LYPD6: variants seen among roughly 807,000 people sequenced by gnomAD.
The protein encoded by LYPD6 is LY6/PLAUR domain containing 6.
LYPD6 carries 15 observed loss-of-function variants against 22.7 expected under a neutral mutation model. That is an observed-to-expected ratio of 0.66 (90% CI 0.44 to 1.02). The LOEUF (loss-of-function observed/expected upper bound fraction) is 1.02, where lower values mean the gene tolerates loss of function less well. Ranked by LOEUF, LYPD6 falls within the 50% of genes least tolerant of loss-of-function variation. LYPD6 has a pLI of 0.00. For missense variants in LYPD6, 189 were observed against 208.4 expected (o/e 0.91, Z 0.57); for synonymous variants, 72 against 77.5 (o/e 0.93, Z 0.37).
chr2:149,386,611 G>A (rs956278025), intron 1 of LYPD6, among the ~76,000 whole-genome samples: 1 of 152,222 alleles, frequency 6.6e-6, no homozygotes, highest in East Asian at 1.9e-4. Context: ...GATGGTGCTG[G>A]TGGCGAAGAA....
rs772309494 is a variant in LYPD6, at chr2:149,449,095, A to G, written c.165A>G (p.Ala55=). The G allele has an allele frequency of 2.5e-6, 4 of 1,613,754 alleles. No individual in the cohort carries two copies. The highest frequency in any genetic ancestry group is 3.4e-6 in the Non-Finnish European group (4 of 1,179,814). ...GGFKCFTCEK[A]ADNYECNRWA... The stretch of plus-strand genomic sequence containing the variant: ...TTAAATGTTTCACCTGTGAAAAGGC[A>G]GCAGACAATTATGAGTGCAACCGAT... The change falls in exon 3 of 5, where the codon GCA becomes GCG. Residue 55 remains alanine, a synonymous_variant. Coordinates refer to ENST00000334166, the MANE Select transcript of LYPD6 (RefSeq NM_194317.5).
At chr2:149,387,248 G>A (rs369228820) in intron 1 of LYPD6, among the ~76,000 whole-genome samples, 60 of 152,334 alleles carry the variant, frequency 3.9e-4, no homozygotes, top group African/African-American at 1.4e-3. Context: ...GGGAGATATT[G>A]TATTGAGTGT....
At chr2:149,445,841 A>G (rs957970024) in intron 2 of LYPD6, among the ~76,000 whole-genome samples, 1 of 152,212 alleles carries the variant, frequency 6.6e-6, no homozygotes, top group African/African-American at 2.4e-5. Flanking sequence ...TAGCACTTTT[A>G]ACTTCCTTCA....
At chr2:149,370,639 C>T (rs1260275629) in intron 1 of LYPD6, 1 of 152,124 alleles carries the variant, frequency 6.6e-6, no homozygotes, top group African/African-American at 2.4e-5. Flanking sequence ...ACTTCTCTTG[C>T]TTATAAATAA....
At chr2:149,398,685 C>T (rs949542079) in intron 1 of LYPD6, among the ~76,000 whole-genome samples, 2 of 152,040 alleles carry the variant, frequency 1.3e-5, no homozygotes, top group African/African-American at 4.8e-5. Flanking sequence ...AGTTCCCAAA[C>T]AGCTCGACCT....
intron 1 of LYPD6, among the ~76,000 whole-genome samples, chr2:149,349,853 A>G (rs562257367): frequency 6.6e-6 from 1 of 152,314 alleles, no homozygotes; most frequent in East Asian, 1.9e-4. Context: ...TTATAATTTC[A>G]TGCTCCAAAG....
At chr2:149,346,890 G>A (rs1332400627) in intron 1 of LYPD6, among the ~76,000 whole-genome samples, 1 of 152,038 alleles carries the variant, frequency 6.6e-6, no homozygotes, top group South Asian at 2.1e-4. Context: ...TAGTAGAGAC[G>A]GGGTTTCACC....
chr2:149,404,367 A>G (rs949006334), intron 1 of LYPD6, among the ~76,000 whole-genome samples: 1 of 152,200 alleles, frequency 6.6e-6, no homozygotes, highest in Admixed American at 6.5e-5. Context: ...ACCCATGAGC[A>G]TGGAATGTTC....
chr2:149,443,192 A>G (rs930396042), intron 2 of LYPD6, among the ~76,000 whole-genome samples: 8 of 152,188 alleles, frequency 5.3e-5, no homozygotes, highest in South Asian at 2.1e-4. Flanking sequence ...AAGTAATTCA[A>G]ATTTGTGAAC....
At chr2:149,461,864 A>C (rs549818258) in intron 3 of LYPD6, among the ~76,000 whole-genome samples, 1 of 152,078 alleles carries the variant, frequency 6.6e-6, no homozygotes, top group Middle Eastern at 3.4e-3. Context: ...TATGATTAAA[A>C]CCTCTCAGAA....
chr2:149,347,611 TC>T (rs1399897924), intron 1 of LYPD6, among the ~76,000 whole-genome samples: 3 of 152,194 alleles, frequency 2.0e-5, no homozygotes, highest in African/African-American at 4.8e-5. Flanking sequence ...TGTAATTTTA[TC>T]CCCAAAATGA....
intron 1 of LYPD6, among the ~76,000 whole-genome samples, chr2:149,338,671 T>G (rs1681103218): frequency 6.6e-6 from 1 of 152,180 alleles, no homozygotes; most frequent in African/African-American, 2.4e-5. Context: ...CCTTCAGGAC[T>G]GTGAGCAATA....
intron 2 of LYPD6, among the ~76,000 whole-genome samples, chr2:149,439,089 C>T (rs1174693586): frequency 6.6e-6 from 1 of 152,158 alleles, no homozygotes; most frequent in Non-Finnish European, 1.5e-5. Context: ...TAGGCCTATA[C>T]CACACCAGGC....
intron 1 of LYPD6, among the ~76,000 whole-genome samples, chr2:149,395,438 C>A (rs373775022): frequency 2.1e-4 from 32 of 151,962 alleles, no homozygotes; most frequent in African/African-American, 7.2e-4. Context: ...AATTTATATG[C>A]TTTATTTTTT....
intron 3 of LYPD6, among the ~76,000 whole-genome samples, chr2:149,451,140 C>T (rs150425532): frequency 4.4e-4 from 67 of 152,228 alleles, no homozygotes; most frequent in East Asian, 3.1e-3. Flanking sequence ...ATCAAGGTGC[C>T]GGCAGGTTCT....
At chr2:149,365,352 T>C (rs1481796348) in intron 1 of LYPD6, among the ~76,000 whole-genome samples, 1 of 152,246 alleles carries the variant, frequency 6.6e-6, no homozygotes, top group African/African-American at 2.4e-5. Context: ...AATAAGTAGC[T>C]TTTCTCTAAG....
chr2:149,465,542 A>G (rs190494673), intron 3 of LYPD6, among the ~76,000 whole-genome samples: 15 of 152,316 alleles, frequency 9.8e-5, no homozygotes, highest in Admixed American at 7.2e-4. Context: ...AGAAACTAAA[A>G]CAAGCAGAAC....
intron 4 of LYPD6, among the ~76,000 whole-genome samples, 195 bp downstream of exon 4, chr2:149,468,970 G>A (rs1423159335): frequency 6.6e-6 from 1 of 152,204 alleles, no homozygotes; most frequent in African/African-American, 2.4e-5. Context: ...TAGGACAACT[G>A]ATATAAATTG....
chr2:149,344,824 AG>A (rs1681224656), intron 1 of LYPD6, among the ~76,000 whole-genome samples: 1 of 152,206 alleles, frequency 6.6e-6, no homozygotes, highest in South Asian at 2.1e-4. Context: ...CTACAAAAAT[AG>A]CTCCTCTTCC....
Sources: gnomAD v4.1 joint callset for allele counts (sites outside exome capture counted in the v4.1 genomes callset) on GRCh38, gnomAD v4.1.1 for gene constraint, MANE v1.5 for transcripts, NCBI Gene and HGNC (gene_info 2026-07-23, HGNC 2026-07-21) for gene names.